The following COL4A2 variants were observed in gnomAD, a reference collection of about 807,000 sequenced individuals.
COL4A2 encodes collagen alpha-2(IV) chain.
Under a neutral mutation model 200.2 loss-of-function variants are expected in COL4A2, and 99 were observed. The observed-to-expected ratio is 0.49, with a 90% confidence interval of 0.42 to 0.58. The LOEUF (loss-of-function observed/expected upper bound fraction) is 0.58. Among genes scored for constraint, COL4A2 ranks in the 20% least tolerant of loss-of-function variants. The pLI is 0.00. For synonymous variants in COL4A2, 897 were observed against 900.6 expected (o/e 1.00, Z 0.07); for missense variants, 1,950 against 2,314.1 (o/e 0.84, Z 3.23).
In COL4A2 at chr13:110,478,152, C is replaced by T. The variant is rs1238946710; in HGVS notation, c.2575C>T (p.Pro859Ser). ...QEGPLGLPGI[P>S]GREGLPGDRG... ...GGGGCCCTTGGGGCTGCCAGGAATC[C>T]CAGGCCGTGAAGGTAAGACCCCAGC... Residue 859 changes from proline (P) to serine (S), a missense_variant, in exon 30 of 48, where the codon CCA (proline) becomes TCA (serine). Pro to Ser is a moderately conservative substitution (Grantham distance 74). This residue lies in a region of COL4A2 where 1,385 missense variants were observed against 1,720.5 expected (regional missense o/e 0.80). Transcript: ENST00000360467. The T allele has an allele frequency of 6.3e-7, 1 of 1,592,954 alleles. No individual in the cohort carries two copies. The highest frequency in any genetic ancestry group is 8.6e-7 in the Non-Finnish European group (1 of 1,169,234).
At chr13:110,453,668 C>T (rs554519330) in intron 20 of COL4A2, among the ~76,000 whole-genome samples, 4 of 152,134 alleles carry the variant, frequency 2.6e-5, no homozygotes, top group East Asian at 1.9e-4. Context: ...AAGTCAACTG[C>T]GAACAATTTA....
intron 47 of COL4A2, among the ~76,000 whole-genome samples, chr13:110,511,033 T>C (rs1884066157): frequency 1.3e-5 from 2 of 152,114 alleles, no homozygotes; most frequent in Admixed American, 1.3e-4. Flanking sequence ...AAATATATCA[T>C]AGAACAGCCC....
chr13:110,370,974 T>G (rs770956144), intron 4 of COL4A2, among the ~76,000 whole-genome samples: 46 of 152,318 alleles, frequency 3.0e-4, no homozygotes, highest in Admixed American at 6.5e-4. Context: ...ACTTTGTGGG[T>G]GGAAATGAAC....
chr13:110,360,232 G>A (rs1359505743), intron 4 of COL4A2, among the ~76,000 whole-genome samples: 1 of 152,226 alleles, frequency 6.6e-6, no homozygotes, highest in Non-Finnish European at 1.5e-5. Context: ...CGTGTCTAGA[G>A]CGACTCTGCA....
At chr13:110,494,761 G>T (rs1242945675) in intron 39 of COL4A2, among the ~76,000 whole-genome samples, 1 of 152,042 alleles carries the variant, frequency 6.6e-6, no homozygotes, top group Non-Finnish European at 1.5e-5. Context: ...TCCTAAAGCT[G>T]CTTTTAGAAT....
At chr13:110,392,997 C>T (rs1364515222) in intron 4 of COL4A2, among the ~76,000 whole-genome samples, 2 of 152,174 alleles carry the variant, frequency 1.3e-5, no homozygotes, top group Non-Finnish European at 2.9e-5. Flanking sequence ...TAGCCTGGAG[C>T]GAGAACTCAC....
intron 4 of COL4A2, among the ~76,000 whole-genome samples, chr13:110,407,471 C>G (rs1370425273): frequency 6.6e-6 from 1 of 152,242 alleles, no homozygotes. Flanking sequence ...GTGGCACACG[C>G]AGCACCAGGA....
chr13:110,441,057 G>T lies in COL4A2; in HGVS notation c.957+1224G>T, dbSNP rs1380852795. On this transcript the variant is annotated intron_variant, in intron 16 of 47. Transcript: ENST00000360467. ...TTTTCATATTTCCAGCAAACATGCA[G>T]TCACCTCGGTGGTACACAGGGCTTG... Among the ~76,000 whole-genome samples the T allele has an allele frequency of 5.9e-5, 9 of 152,214 alleles. No individual in the cohort carries two copies. In the East Asian group the frequency reaches 1.7e-3, roughly 29 times the overall value.
intron 3 of COL4A2, among the ~76,000 whole-genome samples, chr13:110,314,808 C>G (rs1029328655): frequency 6.6e-6 from 1 of 152,166 alleles, no homozygotes; most frequent in East Asian, 1.9e-4. Context: ...AGCCCCCTTC[C>G]CGCCTGCCTA....
At chr13:110,468,900 G>A (rs1882354318) in intron 27 of COL4A2, among the ~76,000 whole-genome samples, 1 of 152,158 alleles carries the variant, frequency 6.6e-6, no homozygotes, top group Non-Finnish European at 1.5e-5. Flanking sequence ...ACAGAAAGTT[G>A]TCCACGGTCA....
chr13:110,354,138 A>G (rs911074809), intron 3 of COL4A2, among the ~76,000 whole-genome samples: 11 of 152,298 alleles, frequency 7.2e-5, no homozygotes, highest in African/African-American at 1.9e-4. Flanking sequence ...AATCAAAATT[A>G]AAAATAGCTT....
chr13:110,493,384 G>A, intron 39 of COL4A2, 102 bp downstream of exon 39: 1 of 1,307,534 alleles, frequency 7.6e-7, no homozygotes, highest in Non-Finnish European at 1.1e-6. Flanking sequence ...GAGGGTCTCA[G>A]AGAGCAGGGT....
intron 4 of COL4A2, among the ~76,000 whole-genome samples, chr13:110,387,476 G>A (rs1878804267): frequency 6.6e-6 from 1 of 152,202 alleles, no homozygotes; most frequent in Non-Finnish European, 1.5e-5. Context: ...GAAATGTGTA[G>A]GGACAAGGAC....
intron 44 of COL4A2, 25 bp from the exon 45 acceptor site, chr13:110,504,123 A>G (rs950083611): frequency 1.9e-6 from 3 of 1,611,190 alleles, no homozygotes; most frequent in South Asian, 1.1e-5. Flanking sequence ...GTTTCCAGCC[A>G]TAACGCTTCT....
chr13:110,491,683 G>A (rs1374599236), intron 37 of COL4A2, among the ~76,000 whole-genome samples: 3 of 152,186 alleles, frequency 2.0e-5, no homozygotes, highest in Non-Finnish European at 2.9e-5. Flanking sequence ...GTTAGAGAAG[G>A]AGAGCGGACA....
chr13:110,485,807 A>T lies in COL4A2; in HGVS notation c.3178A>T (p.Thr1060Ser). ...FPGVAGPPGI[T>S]GFPGFIGSRG... is the part of the protein sequence containing the mutation. The stretch of plus-strand genomic sequence containing the variant: ...TGGGGTGGCTGGCCCCCCTGGAATT[A>T]CGGGATTCCCAGGATTCATAGGAAG... Residue 1060 changes from threonine to serine, a missense_variant, in exon 34 of 48, where the codon ACG becomes TCG. Physicochemically the swap from Thr to Ser is moderately conservative, Grantham distance 58. This residue lies in a region of COL4A2 where 1,385 missense variants were observed against 1,720.5 expected (regional missense o/e 0.80). Transcript: ENST00000360467. 6.2e-7 allele frequency: 1 copy of T among 1,613,690 alleles called. No individual in the cohort carries two copies. The highest frequency in any genetic ancestry group is 8.5e-7 in the Non-Finnish European group (1 of 1,179,868).
chr13:110,384,590 T>G (rs1369247916), intron 4 of COL4A2, among the ~76,000 whole-genome samples: 6 of 152,204 alleles, frequency 3.9e-5, no homozygotes, highest in African/African-American at 1.4e-4. Flanking sequence ...CTCTGGCGTG[T>G]GGAGTGCCTG....
At chr13:110,472,618 T>C (rs1489110818) in intron 28 of COL4A2, among the ~76,000 whole-genome samples, 1 of 152,060 alleles carries the variant, frequency 6.6e-6, no homozygotes, top group African/African-American at 2.4e-5. Context: ...TGGGGCTTAT[T>C]TGCAAAGCAG....
chr13:110,387,596 G>T (rs1291956044), intron 4 of COL4A2, among the ~76,000 whole-genome samples: 1 of 152,256 alleles, frequency 6.6e-6, no homozygotes, highest in East Asian at 1.9e-4. Context: ...GGGGAGGAAC[G>T]CAGGCGGCTG....
Sources: gnomAD v4.1 joint callset for allele counts (sites outside exome capture counted in the v4.1 genomes callset) on GRCh38, gnomAD v4.1.1 for gene constraint, gnomAD v4.1.1 regional missense constraint, MANE v1.5 for transcripts, NCBI Gene and HGNC (gene_info 2026-07-23, HGNC 2026-07-21) for gene names.